Variants in RAB6A observed in about 807,000 individuals in gnomAD.
RAB6A encodes the protein ras-related protein Rab-6A.
RAB6A carries 8 observed loss-of-function variants against 32.3 expected under a neutral mutation model. The observed-to-expected ratio is 0.25, with a 90% CI of 0.15 to 0.45. The LOEUF (loss-of-function observed/expected upper bound fraction) is 0.45. Ranked by LOEUF, RAB6A falls within the 20% of genes least tolerant of loss-of-function variation. The pLI, the probability that RAB6A is intolerant of heterozygous loss-of-function variation, is 1.00. For synonymous variants in RAB6A, 73 were observed against 82.1 expected (o/e 0.89, Z 0.60); for missense variants, 104 against 249.4 (o/e 0.42, Z 3.93).
At chr11:73,697,961 T>G (rs1377296975) in intron 6 of RAB6A, among the ~76,000 whole-genome samples, 1 of 152,222 alleles carries the variant, frequency 6.6e-6, no homozygotes, top group African/African-American at 2.4e-5. Flanking sequence ...GGCTCACGCC[T>G]GTAACCCCAG....
chr11:73,753,144 AGAGGCT>A (rs1946693159), intron 1 of RAB6A, among the ~76,000 whole-genome samples: 1 of 152,140 alleles, frequency 6.6e-6, no homozygotes, highest in Non-Finnish European at 1.5e-5. Flanking sequence ...CAACAGCTCC[AGAGGCT>A]GAGGTGGGAG....
chr11:73,735,175 C>T (rs1430452867), intron 1 of RAB6A, among the ~76,000 whole-genome samples: 2 of 152,172 alleles, frequency 1.3e-5, no homozygotes, highest in African/African-American at 4.8e-5. Flanking sequence ...TCTTGCAATT[C>T]TGTGAAGGCC....
intron 1 of RAB6A, among the ~76,000 whole-genome samples, chr11:73,756,091 A>G (rs989550205): frequency 2.6e-5 from 4 of 150,946 alleles, no homozygotes; most frequent in African/African-American, 7.3e-5. Flanking sequence ...GGTGGCTCAC[A>G]CCTGTAATCC....
intron 1 of RAB6A, chr11:73,759,969 G>C: frequency 8.3e-7 from 1 of 1,209,580 alleles, no homozygotes; most frequent in Non-Finnish European, 1.1e-6. Flanking sequence ...CTCCAATTCA[G>C]ATGTTTCCTC....
chr11:73,718,509 T>G (rs1946085935), intron 4 of RAB6A, 104 bp downstream of exon 4: 1 of 976,752 alleles, frequency 1.0e-6, no homozygotes, highest in Non-Finnish European at 1.5e-6. Flanking sequence ...TGATAAAACT[T>G]ATTTTTACAT....
At chr11:73,756,833 C>T (rs1946758078) in intron 1 of RAB6A, among the ~76,000 whole-genome samples, 1 of 151,204 alleles carries the variant, frequency 6.6e-6, no homozygotes, top group African/African-American at 2.4e-5. Flanking sequence ...GCCACCACGC[C>T]CAGCTAGTTT....
At chr11:73,745,215 C>T (rs192088786) in intron 1 of RAB6A, among the ~76,000 whole-genome samples, 277 of 152,236 alleles carry the variant, frequency 1.8e-3, no homozygotes, top group Non-Finnish European at 3.0e-3. Flanking sequence ...CAACTACACA[C>T]GATAAAATAA....
chr11:73,696,807 T>C (rs1565351103), intron 6 of RAB6A, among the ~76,000 whole-genome samples: 1 of 151,928 alleles, frequency 6.6e-6, no homozygotes, highest in South Asian at 2.1e-4. Flanking sequence ...TCTCCCTATG[T>C]TGCCCAGGCT....
At chr11:73,684,990 T>C (rs1162207787) in intron 6 of RAB6A, among the ~76,000 whole-genome samples, 2 of 152,228 alleles carry the variant, frequency 1.3e-5, no homozygotes, top group Non-Finnish European at 2.9e-5. Flanking sequence ...ATTGTCTTAA[T>C]ATGGCTAAAG....
At chr11:73,750,348 CT>C (rs987571298) in intron 1 of RAB6A, among the ~76,000 whole-genome samples, 1,606 of 144,268 alleles carry the variant, frequency 0.011, 13 homozygotes, top group African/African-American at 0.029. Flanking sequence ...ATTTCCTTCC[CT>C]TTTTTTTTTT....
At chr11:73,747,829 G>C (rs7127066) in intron 1 of RAB6A, among the ~76,000 whole-genome samples, 41,285 of 151,982 alleles carry the variant, frequency 0.27, 5,706 homozygotes, top group African/African-American at 0.32. Context: ...TTAGACAGAG[G>C]CCATGAATTC....
At chr11:73,684,821 T>C (rs908321372) in intron 6 of RAB6A, among the ~76,000 whole-genome samples, 2 of 152,226 alleles carry the variant, frequency 1.3e-5, no homozygotes, top group East Asian at 1.9e-4. Context: ...AGAATGCTTA[T>C]GTAGTCCAGA....
chr11:73,728,610 A>AAATAATAATAATAATAATGATAAT (rs1946259339), intron 2 of RAB6A, among the ~76,000 whole-genome samples: 5 of 136,484 alleles, frequency 3.7e-5, no homozygotes, highest in Admixed American at 2.3e-4. Flanking sequence ...GTCTTTGTTT[A>AAATAATAATAATAATAATGATAAT]AATAATAATA....
intron 6 of RAB6A, among the ~76,000 whole-genome samples, chr11:73,698,800 AC>A (rs1459410385): frequency 2.0e-5 from 3 of 148,646 alleles, no homozygotes; most frequent in Non-Finnish European, 4.4e-5. Flanking sequence ...ATCCCCAGTT[AC>A]CTATCCAAAT....
intron 4 of RAB6A, among the ~76,000 whole-genome samples, chr11:73,717,156 C>CA (rs1218752021): frequency 2.0e-5 from 3 of 152,280 alleles, no homozygotes; most frequent in African/African-American, 7.2e-5. Flanking sequence ...AGAAAGACTG[C>CA]ATATAGCACC....
intron 6 of RAB6A, among the ~76,000 whole-genome samples, chr11:73,691,557 T>G (rs1218368644): frequency 6.6e-6 from 1 of 152,244 alleles, no homozygotes; most frequent in African/African-American, 2.4e-5. Flanking sequence ...TTTAAACTTC[T>G]GGAGAGCAAG....
intron 2 of RAB6A, among the ~76,000 whole-genome samples, chr11:73,724,636 G>C (rs1031004350): frequency 1.1e-4 from 16 of 151,970 alleles, no homozygotes; most frequent in African/African-American, 3.6e-4. Flanking sequence ...ACAGGCGCCC[G>C]ACACCAGGCC....
intron 1 of RAB6A, among the ~76,000 whole-genome samples, chr11:73,732,068 G>A (rs1340173847): frequency 6.6e-6 from 1 of 151,872 alleles, no homozygotes; most frequent in African/African-American, 2.4e-5. Context: ...TAATCCATAT[G>A]AAAGTGTCAT....
At position 73,707,478 on chromosome 11, in the gene RAB6A, T is replaced by C; in HGVS notation, c.437A>G (p.Lys146Arg). 1 of 1,613,794 alleles carries C rather than the reference T, an allele frequency of 6.2e-7. No individual in the cohort carries two copies. Among genetic ancestry groups the C allele is most frequent in the Non-Finnish European group, 8.5e-7 (1 of 1,179,794 alleles). The change falls in exon 6 of 8, where the codon AAA becomes AGA. Residue 146 changes from lysine to arginine, a missense_variant. This residue lies in a region of RAB6A where 21 missense variants were observed against 18.2 expected (regional missense o/e 1.15). Coordinates refer to ENST00000336083, the MANE Select transcript of RAB6A (RefSeq NM_198896.2). ...TTCAATAAACATAACATTCAGCTCT[T>C]TGGCTTTCCTCTCTCCCTCCTCAAT... Reference protein sequence around the residue: ...VSIEEGERKAKELNVMFIETS... With the variant: ...VSIEEGERKARELNVMFIETS...
Sources: gnomAD v4.1 joint callset for allele counts (sites outside exome capture counted in the v4.1 genomes callset) on GRCh38, gnomAD v4.1.1 for gene constraint, gnomAD v4.1.1 regional missense constraint, MANE v1.5 for transcripts, NCBI Gene and HGNC (gene_info 2026-07-23, HGNC 2026-07-21) for gene names.